PTPRC: variants seen among roughly 807,000 people sequenced by gnomAD.
PTPRC encodes protein tyrosine phosphatase receptor type C.
Under a neutral mutation model 155.9 loss-of-function variants are expected in PTPRC, and 44 were observed. That is an observed-to-expected ratio of 0.28 (90% confidence interval 0.22 to 0.36). The LOEUF (loss-of-function observed/expected upper bound fraction) is 0.36. PTPRC is among the 10% of genes least tolerant of loss of function. PTPRC has a pLI of 1.00. For synonymous variants in PTPRC, 525 were observed against 533.1 expected, an observed-to-expected ratio of 0.98 and a Z score of 0.21; for missense variants, 1,401 against 1,564.6, an observed-to-expected ratio of 0.90 and a Z score of 1.76.
intron 8 of PTPRC, among the ~76,000 whole-genome samples, chr1:198,705,905 A>G (rs1439640853): frequency 6.6e-6 from 1 of 152,142 alleles, no homozygotes; most frequent in Non-Finnish European, 1.5e-5. Context: ...CTATACCTCC[A>G]AATGGAACAG....
At chr1:198,716,643 T>C (rs772547431) in intron 12 of PTPRC, 39 bp from the exon 13 acceptor site, 154 of 1,590,902 alleles carry the variant, frequency 9.7e-5, no homozygotes, top group Non-Finnish European at 1.2e-4. Context: ...AGTACTGACT[T>C]TTAACGACTT....
At chr1:198,695,088 T>C (rs542351596) in intron 3 of PTPRC, 1 of 914,928 alleles carries the variant, frequency 1.1e-6, no homozygotes, top group Non-Finnish European at 1.3e-6. Context: ...ATATTGGAAT[T>C]GAAGTTCAAT....
At chr1:198,724,440 T>C (rs536595610) in intron 15 of PTPRC, among the ~76,000 whole-genome samples, 13 of 152,150 alleles carry the variant, frequency 8.5e-5, no homozygotes, top group Admixed American at 3.3e-4. Context: ...TTTTCTGGTT[T>C]AGATTTGCTG....
At position 198,752,745 on chromosome 1, in the gene PTPRC, A is replaced by G. The variant is rs1248549146; in HGVS notation, c.3482A>G (p.Lys1161Arg). 6.2e-7 allele frequency: 1 copy of G among 1,612,736 alleles called. No individual in the cohort carries two copies. The highest frequency in any genetic ancestry group is 1.3e-5 in the African/African-American group (1 of 74,834). The change falls in exon 31 of 33, where the codon AAG (lysine) becomes AGG (arginine). Residue 1161 changes from lysine to arginine, a missense_variant. By Grantham distance (26) the Lys-to-Arg change is conservative. This residue lies in a region of PTPRC where 400 missense variants were observed against 389.5 expected (regional missense o/e 1.03). Coordinates refer to ENST00000442510, the MANE Select transcript of PTPRC (RefSeq NM_002838.5). ...KNSSEGNKHH[K>R]STPLLIHCRD... ...TCCTCTGAAGGGAACAAGCATCACA[A>G]GAGTACACCTCTACTCATTCACTGC... is the stretch of plus-strand genomic sequence containing the variant.
rs1654531120 is a variant in PTPRC at position 198,734,426 on chromosome 1, G to A, written c.2277+1G>A. On this transcript the variant is annotated splice_donor_variant, in intron 22 of 32. Transcript: ENST00000442510. LOFTEE classifies it high-confidence loss of function. ...CACTCGATGTGAAGAAGGAAACAGG[G>A]TAAGAACCAAGAAGATTCATAGTGT... is the stretch of plus-strand genomic sequence containing the variant. 1 of 1,610,150 alleles carries A rather than the reference G, an allele frequency of 6.2e-7. No individual in the cohort carries two copies. Among genetic ancestry groups the A allele is most frequent in the Non-Finnish European group, 8.5e-7 (1 of 1,177,202 alleles).
At chr1:198,662,377 G>C (rs558524106) in intron 2 of PTPRC, among the ~76,000 whole-genome samples, 36 of 151,960 alleles carry the variant, frequency 2.4e-4, no homozygotes, top group Non-Finnish European at 4.3e-4. Context: ...GCTAATAAGA[G>C]GCAGAGCCAA....
chr1:198,653,317 A>T (rs1304292402), intron 2 of PTPRC, among the ~76,000 whole-genome samples: 1 of 151,878 alleles, frequency 6.6e-6, no homozygotes, highest in Non-Finnish European at 1.5e-5. Flanking sequence ...AAATAATATG[A>T]GGAATTGTTA....
intron 4 of PTPRC, 130 bp from the exon 5 acceptor site, chr1:198,699,434 C>A: frequency 8.9e-7 from 1 of 1,122,118 alleles, no homozygotes; most frequent in Non-Finnish European, 1.3e-6. Flanking sequence ...CTGACAGACA[C>A]ATTTTAACAG....
intron 9 of PTPRC, among the ~76,000 whole-genome samples, chr1:198,707,349 G>C (rs1250872585): frequency 6.6e-6 from 1 of 152,138 alleles, no homozygotes; most frequent in Admixed American, 6.6e-5. Context: ...TAAAGGATTT[G>C]ATGTGTATGG....
At chr1:198,711,323 A>G (rs1318383743) in intron 11 of PTPRC, among the ~76,000 whole-genome samples, 3 of 152,190 alleles carry the variant, frequency 2.0e-5, no homozygotes, top group Admixed American at 6.5e-5. Context: ...TTTATAATCA[A>G]TGCAACAAAA....
chr1:198,723,112 C>CAG (rs1653970710), intron 15 of PTPRC, among the ~76,000 whole-genome samples: 1 of 144,094 alleles, frequency 6.9e-6, no homozygotes, highest in Non-Finnish European at 1.5e-5. Context: ...TAGTTTCCTT[C>CAG]ATATATATAT....
At position 198,742,294 on chromosome 1, in the gene PTPRC, C is replaced by T. The variant is rs775435143; in HGVS notation, c.2624C>T (p.Ala875Val). ...GIDAMLEGLE[A>V]ENKVDVYGYV... is the part of the protein sequence containing the mutation. The stretch of plus-strand genomic sequence containing the variant: ...GATGCCATGCTAGAAGGCCTGGAAG[C>T]CGAGAACAAAGTGGATGTTTATGGT... Residue 875 changes from alanine (A) to valine (V), a missense_variant, in exon 25 of 33, where the codon GCC (alanine) becomes GTC (valine). Transcript: ENST00000442510. 1 of 1,612,262 alleles carries T rather than the reference C, an allele frequency of 6.2e-7. No homozygotes were observed. The highest frequency in any genetic ancestry group is 8.5e-7 in the Non-Finnish European group (1 of 1,178,944).
chr1:198,705,167 C>T (rs904731257), intron 8 of PTPRC, among the ~76,000 whole-genome samples: 19 of 151,670 alleles, frequency 1.3e-4, no homozygotes, highest in Admixed American at 6.6e-4. Context: ...TGAAGCAAAG[C>T]GGTTCTTCAT....
At chr1:198,698,514 A>G (rs934417709) in intron 4 of PTPRC, among the ~76,000 whole-genome samples, 6 of 152,112 alleles carry the variant, frequency 3.9e-5, no homozygotes, top group African/African-American at 1.2e-4. Context: ...AATTGGGGGA[A>G]AATCCTTTAA....
intron 2 of PTPRC, among the ~76,000 whole-genome samples, chr1:198,660,927 T>C (rs1663928307): frequency 6.6e-6 from 1 of 152,204 alleles, no homozygotes; most frequent in Non-Finnish European, 1.5e-5. Flanking sequence ...GTATTTTCAG[T>C]AAGCTCTCTT....
At chr1:198,723,664 A>T (rs1341499086) in intron 15 of PTPRC, among the ~76,000 whole-genome samples, 1 of 152,208 alleles carries the variant, frequency 6.6e-6, no homozygotes, top group Non-Finnish European at 1.5e-5. Context: ...TCACATCTTA[A>T]TAGGCCAGAT....
At chr1:198,666,186 T>C (rs1664294096) in intron 2 of PTPRC, among the ~76,000 whole-genome samples, 1 of 145,356 alleles carries the variant, frequency 6.9e-6, no homozygotes, top group Non-Finnish European at 1.5e-5. Context: ...TGAGCCATGG[T>C]CACACCACTG....
intron 2 of PTPRC, among the ~76,000 whole-genome samples, chr1:198,644,347 G>GA (rs905188521): frequency 6.6e-6 from 1 of 151,050 alleles, no homozygotes; most frequent in African/African-American, 2.4e-5. Context: ...TGATACACCA[G>GA]AAAAAAAATA....
rs1481644951 is a variant in PTPRC at position 198,752,697 on chromosome 1, A to G, written c.3434A>G (p.Lys1145Arg). ...KELISMIQVV[K>R]QKLPQKNSSE... Reference sequence around the variant, plus strand: ...TTAATCTCTATGATTCAGGTCGTCAAACAAAAACTTCCCCAGAAGAATTCC... The same window carrying G: ...TTAATCTCTATGATTCAGGTCGTCAGACAAAAACTTCCCCAGAAGAATTCC... Residue 1145 changes from lysine to arginine, a missense_variant, in exon 31 of 33, where the codon AAA becomes AGA. Around this residue, in one of 3 missense-constraint regions of PTPRC, gnomAD observed 400 missense variants for 389.5 expected, o/e 1.03. Coordinates refer to ENST00000442510, the MANE Select transcript of PTPRC (RefSeq NM_002838.5). The G allele has an allele frequency of 6.2e-7, 1 of 1,612,896 alleles. No homozygotes were observed. The highest frequency in any genetic ancestry group is 8.5e-7 in the Non-Finnish European group (1 of 1,179,436).
Sources: gnomAD v4.1 joint callset for allele counts (sites outside exome capture counted in the v4.1 genomes callset) on GRCh38, gnomAD v4.1.1 for gene constraint, gnomAD v4.1.1 regional missense constraint, MANE v1.5 for transcripts, NCBI Gene and HGNC (gene_info 2026-07-23, HGNC 2026-07-21) for gene names.